Variants in VPS13C observed in about 807,000 individuals in gnomAD.
VPS13C encodes the protein vacuolar protein sorting 13 homolog C, also known as intermembrane lipid transfer protein VPS13C.
Under a neutral mutation model 456.8 loss-of-function variants are expected in VPS13C, and 358 were observed. The ratio of observed to expected loss-of-function variants is 0.78; its 90% CI spans 0.72 to 0.86. VPS13C has a LOEUF of 0.86. Among genes scored for constraint, VPS13C ranks in the 40% least tolerant of loss-of-function variants. VPS13C has a pLI of 0.00. For missense variants in VPS13C, 4,818 were observed against 4,385.4 expected, an observed-to-expected ratio of 1.10 and a Z score of -2.79; for synonymous variants, 1,578 against 1,486.7, an observed-to-expected ratio of 1.06 and a Z score of -1.41.
At chr15:62,014,966 G>T (rs1251876744) in intron 9 of VPS13C, among the ~76,000 whole-genome samples, 5 of 152,122 alleles carry the variant, frequency 3.3e-5, no homozygotes, top group Non-Finnish European at 7.4e-5. Flanking sequence ...AACTAAAGCA[G>T]AATGAAGAGT....
intron 51 of VPS13C, among the ~76,000 whole-genome samples, chr15:61,928,895 T>TA (rs762941272): frequency 3.5e-5 from 5 of 141,336 alleles, no homozygotes; most frequent in East Asian, 2.0e-4. Context: ...AAAAAAATTT[T>TA]AAAAAAAAAG....
intron 1 of VPS13C, among the ~76,000 whole-genome samples, chr15:62,045,506 C>T (rs1046472317): frequency 2.6e-5 from 4 of 151,934 alleles, no homozygotes; most frequent in Non-Finnish European, 5.9e-5. Context: ...TTAGAAAGCA[C>T]ATATGGTTTG....
rs369109740 is a variant in VPS13C at position 61,977,057 on chromosome 15, A to G, written c.2408+25T>C. 4 of 1,489,396 alleles carry G rather than the reference A, an allele frequency of 2.7e-6. No individual in the cohort carries two copies. In the African/African-American group the frequency reaches 4.2e-5, roughly 16 times the overall value. 92.3% of individuals were successfully genotyped at this position (1,489,396 alleles called of 1,614,324 possible). On this transcript the variant is annotated intron_variant, in intron 24 of 84. Transcript: ENST00000644861. Reference sequence around the variant, plus strand: ...GACATATTTCACCTGTTGATTTTCTAATATAAAAGAAGTTTATACATTACC... The same window carrying G: ...GACATATTTCACCTGTTGATTTTCTGATATAAAAGAAGTTTATACATTACC...
At chr15:61,948,981 G>C (rs981599785) in intron 42 of VPS13C, among the ~76,000 whole-genome samples, 4 of 151,978 alleles carry the variant, frequency 2.6e-5, no homozygotes, top group Non-Finnish European at 4.4e-5. Flanking sequence ...ATATAGTTTT[G>C]GCTAGAAACC....
intron 28 of VPS13C, 64 bp from the exon 29 acceptor site, chr15:61,967,511 T>C: frequency 3.1e-6 from 4 of 1,270,688 alleles, no homozygotes; most frequent in Non-Finnish European, 3.3e-6. Flanking sequence ...ATTTGAAACA[T>C]TTTAGATTTT....
chr15:61,869,787 T>C (rs1219080241), intron 79 of VPS13C, among the ~76,000 whole-genome samples, 164 bp from the exon 80 acceptor site: 3 of 152,228 alleles, frequency 2.0e-5, no homozygotes, highest in Non-Finnish European at 4.4e-5. Flanking sequence ...AAAATAGTGG[T>C]TTCTCAAAGT....
intron 65 of VPS13C, among the ~76,000 whole-genome samples, chr15:61,908,430 A>C (rs2140138484): frequency 1.3e-5 from 2 of 152,054 alleles, no homozygotes; most frequent in East Asian, 3.9e-4. Flanking sequence ...TCTACCATTA[A>C]ATAATGACAT....
At chr15:61,898,320 G>C (rs1309711882) in intron 66 of VPS13C, among the ~76,000 whole-genome samples, 2 of 152,026 alleles carry the variant, frequency 1.3e-5, no homozygotes, top group Non-Finnish European at 2.9e-5. Context: ...ATTGGATAAA[G>C]AGTCAAGACC....
At chr15:61,932,327 G>A (rs1223863203) in intron 49 of VPS13C, among the ~76,000 whole-genome samples, 1 of 152,026 alleles carries the variant, frequency 6.6e-6, no homozygotes, top group Non-Finnish European at 1.5e-5. Flanking sequence ...AGATGCTTTA[G>A]GACATAGGAT....
intron 67 of VPS13C, among the ~76,000 whole-genome samples, chr15:61,886,598 C>G (rs546293360): frequency 5.9e-5 from 9 of 152,130 alleles, no homozygotes; most frequent in African/African-American, 2.2e-4. Flanking sequence ...ACAGAAATCA[C>G]TGTGTCCCAA....
At position 61,863,429 on chromosome 15, in the gene VPS13C, C is replaced by T. The variant is rs2140849184; in HGVS notation, c.10952+11G>A. The T allele has an allele frequency of 2.5e-6, 4 of 1,599,444 alleles. No homozygotes were observed. The East Asian group carries it at 9.1e-5, about 36-fold the overall frequency. On this transcript the variant is annotated intron_variant, in intron 82 of 84. Coordinates refer to ENST00000644861, the MANE Select transcript of VPS13C (RefSeq NM_020821.3). ...AGTACTATTTGGAAAAATGTCACTT[C>T]AAGTCAGTACCTATTTGTAACCATA...
Position 61,910,280 on chromosome 15 carries a change from A to G in VPS13C, c.8741T>C (p.Leu2914Ser). The part of the protein sequence containing the change: ...SECLPFWPES[L>S]SGKLCVRVVG... ...CACTCTCACACAAAGTTTGCCTGACAAACTTTCTGGCCAAAATGGAAGGCA... is the reference window on the plus strand; with the variant it reads ...CACTCTCACACAAAGTTTGCCTGACGAACTTTCTGGCCAAAATGGAAGGCA... The change falls in exon 64 of 85, where the codon TTG (leucine) becomes TCG (serine). Residue 2914 changes from leucine (L) to serine (S), a missense_variant. By Grantham distance (145) the Leu-to-Ser change is moderately radical. Transcript: ENST00000644861. 2 of 1,528,114 alleles carry G rather than the reference A, an allele frequency of 1.3e-6. No individual in the cohort carries two copies. Among genetic ancestry groups the G allele is most frequent in the South Asian group, 2.6e-5 (2 of 77,404 alleles). 94.7% of individuals were successfully genotyped at this position (1,528,114 alleles called of 1,614,324 possible).
rs1321105536 is a variant in VPS13C at position 62,037,419 on chromosome 15, G to A, written c.188-2367C>T. 1.6e-3 allele frequency among the ~76,000 whole-genome samples: 102 copies of A among 64,026 alleles called. 1 individual carries two copies. The highest frequency in any genetic ancestry group is 2.0e-3 in the African/African-American group (42 of 20,540). 42.0% of individuals were successfully genotyped at this position (64,026 alleles called of 152,430 possible). On this transcript the variant is annotated intron_variant, in intron 3 of 84. Transcript: ENST00000644861. ...TATTATATATAAATATATATAATATGTTATATATAAATATAATATATATTA... is the reference window on the plus strand; with the variant it reads ...TATTATATATAAATATATATAATATATTATATATAAATATAATATATATTA...
chr15:62,057,138 C>T (rs1451261451), intron 1 of VPS13C, among the ~76,000 whole-genome samples: 2 of 152,112 alleles, frequency 1.3e-5, no homozygotes, highest in African/African-American at 4.8e-5. Flanking sequence ...CCCTGTGGGG[C>T]TGGTCCCTAC....
chr15:61,963,581 C>G (rs534025910), intron 32 of VPS13C, among the ~76,000 whole-genome samples: 1 of 152,190 alleles, frequency 6.6e-6, no homozygotes, highest in Non-Finnish European at 1.5e-5. Flanking sequence ...ACATTGACAT[C>G]AGTATCCCTT....
chr15:61,918,414 GC>G (rs750611611), intron 58 of VPS13C, among the ~76,000 whole-genome samples, 157 bp from the exon 59 acceptor site: 2 of 151,918 alleles, frequency 1.3e-5, no homozygotes, highest in African/African-American at 2.4e-5. Context: ...GTATTTAAGT[GC>G]TATATATATT....
Position 62,007,433 on chromosome 15 carries a change from A to G in VPS13C, c.1165T>C (p.Tyr389His), listed in dbSNP as rs942613086. Residue 389 changes from tyrosine to histidine, a missense_variant, in exon 15 of 85, where the codon TAT becomes CAT. Tyr to His is a moderately conservative substitution (Grantham distance 83, BLOSUM62 2). This residue lies in a region of VPS13C where 4,552 missense variants were observed against 4,130.6 expected (regional missense o/e 1.10). Transcript: ENST00000644861. Reference sequence around the variant, plus strand: ...TTACTCCATGACCACATCTGTGTATACCTTCTTATATGAACTTCAAGAACA... The same window carrying G: ...TTACTCCATGACCACATCTGTGTATGCCTTCTTATATGAACTTCAAGAACA... ...DSVLEVHIRR[Y>H]TQMWSWSNIK... The G allele has an allele frequency of 2.5e-6, 4 of 1,608,100 alleles. No individual in the cohort carries two copies. The African/African-American group carries it at 5.3e-5, about 21-fold the overall frequency.
intron 77 of VPS13C, 57 bp downstream of exon 77, chr15:61,874,819 T>C: frequency 2.1e-6 from 3 of 1,440,214 alleles, no homozygotes; most frequent in Admixed American, 2.2e-5. Context: ...CATAACAACG[T>C]ATTTCATAAC....
chr15:61,911,882 G>A lies in VPS13C; in HGVS notation c.8673C>T (p.Gly2891=), dbSNP rs1380506046. The A allele has an allele frequency of 6.2e-7, 1 of 1,612,202 alleles. No individual in the cohort carries two copies. Among genetic ancestry groups the A allele is most frequent in the Non-Finnish European group, 8.5e-7 (1 of 1,179,064 alleles). The change falls in exon 63 of 85, where the codon GGC becomes GGT. Residue 2891 remains glycine (G), a synonymous_variant. Coordinates refer to ENST00000644861, the MANE Select transcript of VPS13C (RefSeq NM_020821.3). Reference sequence around the variant, plus strand: ...AGTTCCATTTATTAGTTGGCATTGAGCCATCAGATGCAATCTCGCCAACTT... The same window carrying A: ...AGTTCCATTTATTAGTTGGCATTGAACCATCAGATGCAATCTCGCCAACTT... ...ELEVGEIASD[G]SMPTNKWNYI...
Sources: gnomAD v4.1 joint callset for allele counts (sites outside exome capture counted in the v4.1 genomes callset) on GRCh38, gnomAD v4.1.1 for gene constraint, gnomAD v4.1.1 regional missense constraint, MANE v1.5 for transcripts, NCBI Gene and HGNC (gene_info 2026-07-23, HGNC 2026-07-21) for gene names.